RAB3IP: variants seen among roughly 807,000 people sequenced by gnomAD.
RAB3IP encodes RAB3A interacting protein.
In RAB3IP, 36 loss-of-function variants were observed where a neutral mutation model predicts 59.1. The observed-to-expected ratio is 0.61, with a 90% CI of 0.47 to 0.80. RAB3IP has a LOEUF of 0.80. Ranked by LOEUF, RAB3IP falls within the 30% of genes least tolerant of loss-of-function variation. RAB3IP has a pLI of 0.00. For synonymous variants in RAB3IP, 207 were observed against 191.2 expected, an observed-to-expected ratio of 1.08 and a Z score of -0.68; for missense variants, 511 against 536.0, an observed-to-expected ratio of 0.95 and a Z score of 0.46.
intron 1 of RAB3IP, among the ~76,000 whole-genome samples, chr12:69,752,311 TA>T (rs1048230588): frequency 1.4e-4 from 21 of 146,998 alleles, no homozygotes; most frequent in Non-Finnish European, 1.9e-4. Flanking sequence ...GCCTTTCCAT[TA>T]AAAAAAAATT....
chr12:69,773,233 C>G (rs957670690), intron 3 of RAB3IP, among the ~76,000 whole-genome samples: 1 of 151,858 alleles, frequency 6.6e-6, no homozygotes, highest in Non-Finnish European at 1.5e-5. Context: ...CCCTCCTTGT[C>G]TTTGATCTTT....
chr12:69,773,399 C>CTTTTTTTTTTTTTTT lies in RAB3IP; in HGVS notation c.511-11311_511-11297dup, dbSNP rs71437123. Reference sequence around the variant, plus strand: ...ATACGCCTTCTACCCATTTGTCTTTCTTTTTTTTTTTTTTTTTTTTTTTTA... The same window carrying CTTTTTTTTTTTTTTT: ...ATACGCCTTCTACCCATTTGTCTTTCTTTTTTTTTTTTTTTTTTTTTTTTTTTTTTTTTTTTTTTA... On this transcript the variant is annotated intron_variant, in intron 3 of 10. Coordinates refer to ENST00000247833, the MANE Select transcript of RAB3IP (RefSeq NM_022456.5). 1.5e-3 allele frequency among the ~76,000 whole-genome samples: 73 copies of CTTTTTTTTTTTTTTT among 48,002 alleles called. 2 individuals carry two copies. The highest frequency in any genetic ancestry group is 3.8e-3 in the East Asian group (6 of 1,586). 31.5% of individuals were successfully genotyped at this position (48,002 alleles called of 152,430 possible).
chr12:69,767,161 T>G (rs967380366), intron 3 of RAB3IP, among the ~76,000 whole-genome samples: 2 of 152,208 alleles, frequency 1.3e-5, no homozygotes, highest in Non-Finnish European at 2.9e-5. Flanking sequence ...TCCCTATAAT[T>G]GTTTTTTTCT....
intron 3 of RAB3IP, among the ~76,000 whole-genome samples, chr12:69,781,159 G>A (rs933645454): frequency 3.3e-5 from 5 of 151,898 alleles, no homozygotes; most frequent in African/African-American, 9.7e-5. Flanking sequence ...CATCCCTTGA[G>A]CTTATATCAT....
rs766465385 is a variant in RAB3IP at position 69,815,464 on chromosome 12, T to C, written c.*18T>C. ...AACTCTGATGCTCTGCGTGGGACCATGCCTGAACTCCCCGAATAACTGAAA... is the reference window on the plus strand; with the variant it reads ...AACTCTGATGCTCTGCGTGGGACCACGCCTGAACTCCCCGAATAACTGAAA... On this transcript the variant is annotated 3_prime_UTR_variant, in exon 11 of 11. Coordinates refer to ENST00000247833, the MANE Select transcript of RAB3IP (RefSeq NM_022456.5). The C allele has an allele frequency of 8.5e-6, 13 of 1,523,550 alleles. No individual in the cohort carries two copies. Among genetic ancestry groups the C allele is most frequent in the Non-Finnish European group, 1.2e-5 (13 of 1,102,676 alleles). 94.4% of individuals were successfully genotyped at this position (1,523,550 alleles called of 1,614,324 possible).
chr12:69,752,313 A>T (rs886932698), intron 1 of RAB3IP, among the ~76,000 whole-genome samples: 1 of 147,150 alleles, frequency 6.8e-6, no homozygotes, highest in Non-Finnish European at 1.5e-5. Context: ...CTTTCCATTA[A>T]AAAAAAATTA....
At chr12:69,781,280 T>C (rs767103736) in intron 3 of RAB3IP, among the ~76,000 whole-genome samples, 14 of 152,186 alleles carry the variant, frequency 9.2e-5, no homozygotes, top group Non-Finnish European at 1.9e-4. Context: ...AGAGTCCCCA[T>C]GTACTTGCTG....
At chr12:69,786,087 AT>A (rs1371989389) in intron 4 of RAB3IP, among the ~76,000 whole-genome samples, 1 of 152,126 alleles carries the variant, frequency 6.6e-6, no homozygotes, top group East Asian at 1.9e-4. Context: ...GGGGGTGGAA[AT>A]TCCATCACCT....
At chr12:69,742,231 C>T (rs535532782) in intron 1 of RAB3IP, among the ~76,000 whole-genome samples, 4 of 152,214 alleles carry the variant, frequency 2.6e-5, no homozygotes, top group South Asian at 2.1e-4. Context: ...CAAGGGAGTA[C>T]GCTTTTTCAC....
chr12:69,820,106 G>T lies in RAB3IP; in HGVS notation c.*4660G>T, dbSNP rs901900190. Reference sequence around the variant, plus strand: ...TAGGCTTTTGTTTTCAGTGGTTTTTGTTGTTGCATTTTTCCCTAGATAAAA... The same window carrying T: ...TAGGCTTTTGTTTTCAGTGGTTTTTTTTGTTGCATTTTTCCCTAGATAAAA... On this transcript the variant is annotated 3_prime_UTR_variant, in exon 11 of 11. Coordinates refer to ENST00000247833, the MANE Select transcript of RAB3IP (RefSeq NM_022456.5). 1 of 152,122 alleles carries T rather than the reference G, an allele frequency of 6.6e-6. No individual in the cohort carries two copies. The highest frequency in any genetic ancestry group is 2.4e-5 in the African/African-American group (1 of 41,396). 9.4% of individuals were successfully genotyped at this position (152,122 alleles called of 1,614,324 possible).
chr12:69,813,067 T>A, intron 10 of RAB3IP, 34 bp downstream of exon 10: 1 of 1,511,064 alleles, frequency 6.6e-7, no homozygotes, highest in Non-Finnish European at 9.1e-7. Context: ...AGTCTTTACA[T>A]AAAAGTTCAG....
intron 1 of RAB3IP, among the ~76,000 whole-genome samples, chr12:69,753,925 C>A (rs565404509): frequency 6.6e-6 from 1 of 152,170 alleles, no homozygotes; most frequent in South Asian, 2.1e-4. Flanking sequence ...GTTACATGAA[C>A]TGTTTTTTGC....
intron 3 of RAB3IP, among the ~76,000 whole-genome samples, chr12:69,763,729 G>A (rs984332131): frequency 9.2e-5 from 14 of 152,066 alleles, no homozygotes; most frequent in African/African-American, 3.4e-4. Flanking sequence ...ACTGAGCATA[G>A]TACCCAATTG....
chr12:69,822,543 G>C lies in RAB3IP; in HGVS notation c.*7097G>C, dbSNP rs1449944212. On this transcript the variant is annotated 3_prime_UTR_variant, in exon 11 of 11. Transcript: ENST00000247833. The stretch of plus-strand genomic sequence containing the variant: ...CTGGGAAGGGTAATGGGGGTTGGGG[G>C]GTGGGAGGATAAAGGGGTTGGGTAA... 6.6e-6 allele frequency: 1 copy of C among 151,958 alleles called. No homozygotes were observed. Among genetic ancestry groups the C allele is most frequent in the Non-Finnish European group, 1.5e-5 (1 of 67,996 alleles). 9.4% of individuals were successfully genotyped at this position (151,958 alleles called of 1,614,324 possible). A position where few individuals can be genotyped will look rare whatever the true frequency, so the allele number is the denominator to read the frequency against.
chr12:69,740,328 G>T lies in RAB3IP; in HGVS notation c.-26+1297G>T, dbSNP rs566969927. ...TTTATTTACTAGTACTGTGCATTTT[G>T]ATAGGACTTTTCATGTTTGGACAGA... On this transcript the variant is annotated intron_variant, in intron 1 of 10. Transcript: ENST00000247833. Among the ~76,000 whole-genome samples, 25 of 152,262 alleles carry T rather than the reference G, an allele frequency of 1.6e-4. No homozygotes were observed. In the South Asian group the frequency reaches 5.2e-3, roughly 32 times the overall value.
intron 6 of RAB3IP, among the ~76,000 whole-genome samples, chr12:69,798,526 T>G (rs558360622): frequency 6.6e-6 from 1 of 152,036 alleles, no homozygotes; most frequent in East Asian, 1.9e-4. Context: ...CTCTTTAGTT[T>G]AATTAGATCC....
intron 6 of RAB3IP, among the ~76,000 whole-genome samples, chr12:69,799,384 A>G (rs974798365): frequency 2.0e-5 from 3 of 152,188 alleles, no homozygotes; most frequent in Admixed American, 6.6e-5. Context: ...ATTCCAGCAG[A>G]TGCTATTGAG....
intron 4 of RAB3IP, among the ~76,000 whole-genome samples, chr12:69,790,552 A>G (rs1030744411): frequency 1.3e-5 from 2 of 152,130 alleles, no homozygotes; most frequent in East Asian, 3.9e-4. Context: ...TAGGAAGTTC[A>G]TATGGAGCTA....
intron 1 of RAB3IP, among the ~76,000 whole-genome samples, chr12:69,740,682 C>T (rs1887241097): frequency 6.6e-6 from 1 of 152,084 alleles, no homozygotes; most frequent in African/African-American, 2.4e-5. Context: ...TGCAGTTATC[C>T]ATATGTTTCC....
Sources: gnomAD v4.1 joint callset for allele counts (sites outside exome capture counted in the v4.1 genomes callset) on GRCh38, gnomAD v4.1.1 for gene constraint, MANE v1.5 for transcripts, NCBI Gene and HGNC (gene_info 2026-07-23, HGNC 2026-07-21) for gene names.